Variants in CLVS1 observed in about 807,000 individuals in gnomAD.
The protein encoded by CLVS1 is clavesin-1.
A neutral mutation model predicts 33.1 loss-of-function variants in CLVS1; 10 were observed. The observed-to-expected ratio is 0.30, with a 90% CI of 0.19 to 0.51. The LOEUF is 0.51. Ranked by LOEUF, CLVS1 falls within the 20% of genes least tolerant of loss-of-function variation. The pLI is 0.97. For synonymous variants in CLVS1, 163 were observed against 166.1 expected (o/e 0.98, Z 0.14); for missense variants, 343 against 433.4 (o/e 0.79, Z 1.85).
intron 2 of CLVS1, among the ~76,000 whole-genome samples, chr8:61,306,301 T>C (rs753085989): frequency 5.9e-5 from 9 of 152,238 alleles, no homozygotes; most frequent in Non-Finnish European, 1.3e-4. Flanking sequence ...TGTTGAGCCT[T>C]TTTTCATACA....
At chr8:61,018,703 G>T in the CLVS1 span, among the ~76,000 whole-genome samples, 1 of 152,230 alleles carries the variant, frequency 6.6e-6, no homozygotes, top group Non-Finnish European at 1.5e-5. Context: ...GGCTATGGAG[G>T]ATCATCTTTG....
rs538644719 is a variant in CLVS1, at chr8:61,121,001, A to G, written c.-242-10769A>G. ...CTGCCGCCTTGTAGTTTGATCTCAGACTGCTGTGCTAGCAATCAGCGAGAC... is the reference window on the plus strand; with the variant it reads ...CTGCCGCCTTGTAGTTTGATCTCAGGCTGCTGTGCTAGCAATCAGCGAGAC... On this transcript the variant is annotated intron_variant, in intron 1 of 2. Coordinates refer to the CLVS1 transcript ENST00000522621. 3.6e-3 allele frequency among the ~76,000 whole-genome samples: 535 copies of G among 150,636 alleles called. 5 individuals carry two copies. The highest frequency in any genetic ancestry group is 0.012 in the African/African-American group (474 of 40,726).
intron 2 of CLVS1, among the ~76,000 whole-genome samples, chr8:61,278,836 G>A (rs1026571897): frequency 1.3e-5 from 2 of 152,168 alleles, no homozygotes; most frequent in African/African-American, 2.4e-5. Context: ...GGGACATGAG[G>A]ATAGTTGTTG....
chr8:61,289,464 C>G (rs1809900436), intron 1 of CLVS1, among the ~76,000 whole-genome samples: 1 of 152,162 alleles, frequency 6.6e-6, no homozygotes, highest in South Asian at 2.1e-4. Flanking sequence ...AGCCTGTCAT[C>G]AATAAAAATG....
chr8:61,404,372 C>G (rs58092797), intron 3 of CLVS1, among the ~76,000 whole-genome samples: 2,030 of 152,226 alleles, frequency 0.013, 46 homozygotes, highest in African/African-American at 0.046. Flanking sequence ...TTAGTGAAAG[C>G]TGAATAAATG....
chr8:61,451,751 G>A (rs1026211183), intron 3 of CLVS1, among the ~76,000 whole-genome samples: 1 of 151,668 alleles, frequency 6.6e-6, no homozygotes, highest in East Asian at 1.9e-4. Context: ...ACCATGAGAG[G>A]GGTGTGTTTG....
intron 2 of CLVS1, among the ~76,000 whole-genome samples, chr8:61,212,370 C>G (rs563227244): frequency 6.6e-6 from 1 of 152,160 alleles, no homozygotes; most frequent in Non-Finnish European, 1.5e-5. Flanking sequence ...CAAAACCTAG[C>G]GTCAGGAGTG....
chr8:60,970,623 AT>A, the CLVS1 span, among the ~76,000 whole-genome samples: 1 of 152,156 alleles, frequency 6.6e-6, no homozygotes, highest in Non-Finnish European at 1.5e-5. Flanking sequence ...ATCTCCCTGT[AT>A]TGCTGTTGAG....
intron 1 of CLVS1, among the ~76,000 whole-genome samples, chr8:61,091,300 T>C (rs982139938): frequency 1.3e-5 from 2 of 152,174 alleles, no homozygotes; most frequent in African/African-American, 2.4e-5. Context: ...AAATAAGCAG[T>C]CCTGTGACAC....
At chr8:61,388,483 A>G (rs1216686516) in intron 3 of CLVS1, among the ~76,000 whole-genome samples, 1 of 151,918 alleles carries the variant, frequency 6.6e-6, no homozygotes, top group Non-Finnish European at 1.5e-5. Flanking sequence ...TTGAGCCTAA[A>G]AAATGCAGTA....
intron 1 of CLVS1, among the ~76,000 whole-genome samples, chr8:61,121,120 G>A (rs985890526): frequency 2.6e-5 from 4 of 151,908 alleles, no homozygotes; most frequent in Admixed American, 2.0e-4. Context: ...TATTCGGGTG[G>A]GAGTGACCCG....
intron 2 of CLVS1, among the ~76,000 whole-genome samples, chr8:61,262,227 G>A (rs939817917): frequency 6.6e-6 from 1 of 152,044 alleles, no homozygotes; most frequent in African/African-American, 2.4e-5. Flanking sequence ...TGTTGCCCAG[G>A]CTGCTCTTGA....
chr8:61,487,096 A>T (rs1392578451), intron 5 of CLVS1, among the ~76,000 whole-genome samples: 2 of 152,168 alleles, frequency 1.3e-5, no homozygotes, highest in Non-Finnish European at 2.9e-5. Context: ...GATTTAGTAG[A>T]TCTGGGCTGG....
chr8:61,374,242 C>G (rs747303833), intron 2 of CLVS1, among the ~76,000 whole-genome samples: 2 of 152,168 alleles, frequency 1.3e-5, no homozygotes, highest in Non-Finnish European at 2.9e-5. Context: ...TTGAAACATT[C>G]TCTTCTTCTT....
At chr8:61,385,887 G>T (rs1814063159) in intron 3 of CLVS1, among the ~76,000 whole-genome samples, 1 of 152,184 alleles carries the variant, frequency 6.6e-6, no homozygotes, top group African/African-American at 2.4e-5. Flanking sequence ...AGACTAAAAT[G>T]TTGGGGGGTA....
intron 5 of CLVS1, among the ~76,000 whole-genome samples, chr8:61,460,543 TC>T (rs1209004410): frequency 6.6e-6 from 1 of 152,180 alleles, no homozygotes; most frequent in Non-Finnish European, 1.5e-5. Context: ...CCTAATAATT[TC>T]CTATTGAAAC....
intron 3 of CLVS1, among the ~76,000 whole-genome samples, chr8:61,435,832 A>G (rs1433668872): frequency 1.3e-5 from 2 of 152,196 alleles, no homozygotes; most frequent in Admixed American, 6.5e-5. Flanking sequence ...GAAGGAGATC[A>G]AAACCATTAA....
At chr8:61,297,828 T>C (rs1810273101) in intron 1 of CLVS1, among the ~76,000 whole-genome samples, 1 of 151,868 alleles carries the variant, frequency 6.6e-6, no homozygotes, top group African/African-American at 2.4e-5. Flanking sequence ...AATGGTAAAA[T>C]GGGAGAAGGA....
At chr8:61,377,388 A>T (rs553995902) in intron 3 of CLVS1, 1 of 152,208 alleles carries the variant, frequency 6.6e-6, no homozygotes, top group Non-Finnish European at 1.5e-5. Flanking sequence ...GTAACTCAGA[A>T]AGGCAATGCT....
Sources: gnomAD v4.1 joint callset for allele counts (sites outside exome capture counted in the v4.1 genomes callset) on GRCh38, gnomAD v4.1.1 for gene constraint, MANE v1.5 for transcripts, NCBI Gene and HGNC (gene_info 2026-07-23, HGNC 2026-07-21) for gene names.